HHLA2: variants seen among roughly 807,000 people sequenced by gnomAD.
HHLA2 encodes the protein HHLA2 member of B7 family.
In HHLA2, 48 loss-of-function variants were observed where a neutral mutation model predicts 45.9. The observed-to-expected ratio is 1.05, with a 90% CI of 0.83 to 1.33. The LOEUF (loss-of-function observed/expected upper bound fraction) is 1.33. Ranked by LOEUF, HHLA2 falls within the 40% of genes most tolerant of loss-of-function variation. The pLI is 0.00. For synonymous variants in HHLA2, 161 were observed against 173.9 expected, an observed-to-expected ratio of 0.93 and a Z score of 0.59; for missense variants, 462 against 494.3, an observed-to-expected ratio of 0.93 and a Z score of 0.62.
At chr3:108,355,481 A>T (rs1468935297) in intron 6 of HHLA2, 100 bp downstream of exon 5, 1 of 1,381,838 alleles carries the variant, frequency 7.2e-7, no homozygotes, top group Non-Finnish European at 9.8e-7. Flanking sequence ...AAGAAAAGAA[A>T]GCAAATCCAT....
intron 8 of HHLA2, among the ~76,000 whole-genome samples, 152 bp from the exon 8 acceptor site, chr3:108,375,598 C>G (rs1018297924): frequency 3.9e-5 from 6 of 151,908 alleles, no homozygotes; most frequent in African/African-American, 1.5e-4. Flanking sequence ...AAGATCAGAG[C>G]AGAAATGAAG....
At chr3:108,372,465 G>A (rs374048157) in intron 8 of HHLA2, among the ~76,000 whole-genome samples, 2 of 150,952 alleles carry the variant, frequency 1.3e-5, no homozygotes, top group Non-Finnish European at 3.0e-5. Flanking sequence ...AAGGCAAGAA[G>A]TAACTAAAAT....
chr3:108,377,063 G>A (rs1227948669), intron 10 of HHLA2, 195 bp from the exon 10 acceptor site: 2 of 551,452 alleles, frequency 3.6e-6, no homozygotes, highest in African/African-American at 3.8e-5. Flanking sequence ...ACAGCTAGTA[G>A]GGAGATTAAA....
chr3:108,319,663 T>C (rs1427777677), intron 2 of HHLA2, among the ~76,000 whole-genome samples: 1 of 152,218 alleles, frequency 6.6e-6, no homozygotes, highest in Non-Finnish European at 1.5e-5. Flanking sequence ...CACTAAAATA[T>C]TCTAGTGCTA....
chr3:108,331,251 T>C (rs960940202), intron 3 of HHLA2, among the ~76,000 whole-genome samples: 1 of 152,210 alleles, frequency 6.6e-6, no homozygotes, highest in Non-Finnish European at 1.5e-5. Flanking sequence ...TCAATCTCTA[T>C]GGGGATTTGT....
At chr3:108,344,483 T>C (rs2081628513) in intron 3 of HHLA2, among the ~76,000 whole-genome samples, 2 of 152,338 alleles carry the variant, frequency 1.3e-5, no homozygotes, top group Admixed American at 1.3e-4. Flanking sequence ...TTTGGTCTTG[T>C]CCTCCCATTT....
intron 1 of HHLA2, among the ~76,000 whole-genome samples, chr3:108,305,596 A>C (rs774690969): frequency 6.6e-6 from 1 of 151,998 alleles, no homozygotes; most frequent in African/African-American, 2.4e-5. Context: ...TGCTGTATAG[A>C]GTTCCATTCC....
At chr3:108,375,386 A>G (rs554359155) in intron 8 of HHLA2, among the ~76,000 whole-genome samples, 1 of 151,922 alleles carries the variant, frequency 6.6e-6, no homozygotes, top group Admixed American at 6.6e-5. Context: ...CTAAATGATG[A>G]TTTAATGGGT....
At chr3:108,344,718 A>C (rs993608776) in intron 3 of HHLA2, among the ~76,000 whole-genome samples, 25 of 152,244 alleles carry the variant, frequency 1.6e-4, no homozygotes, top group African/African-American at 5.8e-4. Flanking sequence ...TCAATTGCTC[A>C]CTACCTTGAT....
At chr3:108,323,394 T>G (rs1050665073) in intron 2 of HHLA2, among the ~76,000 whole-genome samples, 1 of 152,122 alleles carries the variant, frequency 6.6e-6, no homozygotes, top group Non-Finnish European at 1.5e-5. Flanking sequence ...CATAAATATA[T>G]ATACCTACTG....
chr3:108,305,096 C>T (rs1285731132), intron 1 of HHLA2, among the ~76,000 whole-genome samples: 4 of 152,128 alleles, frequency 2.6e-5, no homozygotes, highest in East Asian at 1.9e-4. Context: ...TTACTTTGTA[C>T]ATTATCTATT....
At chr3:108,359,179 TA>T (rs540220897) in intron 7 of HHLA2, among the ~76,000 whole-genome samples, 1,537 of 146,394 alleles carry the variant, frequency 0.01, 17 homozygotes, top group African/African-American at 0.034. Flanking sequence ...TTTTGGAGTG[TA>T]AAAAAAAAAA....
chr3:108,364,103 C>T (rs2082024803), intron 8 of HHLA2, among the ~76,000 whole-genome samples: 1 of 151,602 alleles, frequency 6.6e-6, no homozygotes, highest in Non-Finnish European at 1.5e-5. Context: ...TTTTAAGCAC[C>T]ACATACATTA....
At chr3:108,342,953 TTA>T (rs1390218502) in intron 3 of HHLA2, among the ~76,000 whole-genome samples, 1 of 152,226 alleles carries the variant, frequency 6.6e-6, no homozygotes, top group Non-Finnish European at 1.5e-5. Context: ...CATCTCTGTA[TTA>T]TGATTTGTTT....
At chr3:108,312,503 T>G (rs1349090500) in intron 2 of HHLA2, among the ~76,000 whole-genome samples, 1 of 6,606 alleles carries the variant, frequency 1.5e-4, no homozygotes, top group Non-Finnish European at 6.9e-3. Context: ...ATGGCCTTTG[T>G]ATACACTCTT....
At chr3:108,297,297 C>G (rs2080776498) in intron 1 of HHLA2, among the ~76,000 whole-genome samples, 1 of 152,144 alleles carries the variant, frequency 6.6e-6, no homozygotes. Context: ...CAAACTTGAG[C>G]TTCCCATTTC....
At chr3:108,305,839 CT>C (rs1411591761) in intron 1 of HHLA2, among the ~76,000 whole-genome samples, 8 of 152,232 alleles carry the variant, frequency 5.3e-5, no homozygotes, top group African/African-American at 1.9e-4. Context: ...GGTAAATCTT[CT>C]TTGGATTCCT....
At chr3:108,332,649 C>A (rs1432381568) in intron 3 of HHLA2, among the ~76,000 whole-genome samples, 9 of 152,150 alleles carry the variant, frequency 5.9e-5, no homozygotes, top group Non-Finnish European at 1.5e-5. Flanking sequence ...TCAGTCTTAA[C>A]CCTGACCGTT....
At chr3:108,308,209 T>A (rs962898860) in intron 1 of HHLA2, among the ~76,000 whole-genome samples, 1 of 152,146 alleles carries the variant, frequency 6.6e-6, no homozygotes, top group Non-Finnish European at 1.5e-5. Flanking sequence ...TCCAGGCCCA[T>A]GAGTTTAATG....
Sources: allele counts gnomAD v4.1 joint callset (sites outside exome capture counted in the v4.1 genomes callset), GRCh38; gene constraint gnomAD v4.1.1; transcripts MANE v1.5; gene names NCBI Gene and HGNC (gene_info 2026-07-23, HGNC 2026-07-21).